OSBPL3: variants seen among roughly 807,000 people sequenced by gnomAD.
OSBPL3 encodes oxysterol binding protein like 3.
Under a neutral mutation model 120.1 loss-of-function variants are expected in OSBPL3, and 65 were observed. That is an observed-to-expected ratio of 0.54 (90% confidence interval 0.44 to 0.67). The LOEUF is 0.67. OSBPL3 is among the 30% of genes least tolerant of loss of function. The pLI, the probability that OSBPL3 is intolerant of heterozygous loss-of-function variation, is 0.00. For missense variants in OSBPL3, 1,004 were observed against 1,082.1 expected (o/e 0.93, Z 1.01); for synonymous variants, 416 against 402.6 (o/e 1.03, Z -0.40).
chr7:24,950,666 G>A (rs1335310472), intron 1 of OSBPL3, among the ~76,000 whole-genome samples: 1 of 152,238 alleles, frequency 6.6e-6, no homozygotes, highest in East Asian at 1.9e-4. Flanking sequence ...AGCTTGCAGT[G>A]AGCGGAGATC....
intron 1 of OSBPL3, among the ~76,000 whole-genome samples, chr7:24,963,450 C>T (rs1434931966): frequency 6.6e-6 from 1 of 152,218 alleles, no homozygotes; most frequent in Non-Finnish European, 1.5e-5. Flanking sequence ...GCAACACAGA[C>T]TCACCATGGC....
At chr7:24,800,453 CTTTTTTTTTT>C (rs766653677) in intron 22 of OSBPL3, among the ~76,000 whole-genome samples, 174 bp from the exon 23 acceptor site, 1 of 119,512 alleles carries the variant, frequency 8.4e-6, no homozygotes, top group East Asian at 2.4e-4. Flanking sequence ...AATTTTGTTA[CTTTTTTTTTT>C]TTTTTTTTTT....
intron 7 of OSBPL3, among the ~76,000 whole-genome samples, chr7:24,864,415 A>C (rs1801019411): frequency 6.6e-6 from 1 of 152,180 alleles, no homozygotes; most frequent in Non-Finnish European, 1.5e-5. Flanking sequence ...GACAATGTGC[A>C]TTGCTGATAA....
Position 24,806,699 on chromosome 7 carries a change from G to T in OSBPL3, c.2444+77C>A. 7.3e-7 allele frequency: 1 copy of T among 1,364,396 alleles called. No homozygotes were observed. The highest frequency in any genetic ancestry group is 1.0e-6 in the Non-Finnish European group (1 of 987,390). The allele number at this position is 1,364,396 out of a possible 1,614,324, so 84.5% of individuals were successfully genotyped here. On this transcript the variant is annotated intron_variant, in intron 21 of 22. Coordinates refer to ENST00000313367, the MANE Select transcript of OSBPL3 (RefSeq NM_015550.4). The surrounding 1 kb of genome is among the most constrained non-coding windows in gnomAD (Gnocchi z 5.2). Reference sequence around the variant, plus strand: ...TCCACCTTTCTCAGGTGCCTCTGGTGGCCTAAGGATTGTTAATAAGACTTT... The same window carrying T: ...TCCACCTTTCTCAGGTGCCTCTGGTTGCCTAAGGATTGTTAATAAGACTTT...
At chr7:24,980,363 G>T (rs528839931), upstream of OSBPL3, among the ~76,000 whole-genome samples, 1 of 152,020 alleles carries the variant, frequency 6.6e-6, no homozygotes, top group African/African-American at 2.4e-5. Context: ...AGAAGCCAGC[G>T]GATTCCATGA....
chr7:24,968,562 A>C lies in OSBPL3; in HGVS notation c.-150+11324T>G, dbSNP rs1322422083. Among the ~76,000 whole-genome samples, 2 of 152,096 alleles carry C rather than the reference A, an allele frequency of 1.3e-5. No individual in the cohort carries two copies. The highest frequency in any genetic ancestry group is 2.9e-5 in the Non-Finnish European group (2 of 68,018). ...CAGGCACACACCACCACGCCCAGCT[A>C]ATTTTTTTATTTTTAGTACAGACAG... On this transcript the variant is annotated intron_variant, in intron 1 of 22. Transcript: ENST00000313367. This position sits in a 1 kb window ranked among gnomAD's most constrained non-coding sequence, Gnocchi z 4.6.
At position 24,912,221 on chromosome 7, in the gene OSBPL3, C is replaced by A. The variant is rs1410259111; in HGVS notation, c.-149-19600G>T. Among the ~76,000 whole-genome samples, 3 of 151,998 alleles carry A rather than the reference C, an allele frequency of 2.0e-5. No individual in the cohort carries two copies. Among genetic ancestry groups the A allele is most frequent in the Admixed American group, 1.3e-4 (2 of 15,260 alleles). On this transcript the variant is annotated intron_variant, in intron 1 of 22. Transcript: ENST00000313367. This position sits in a 1 kb window ranked among gnomAD's most constrained non-coding sequence, Gnocchi z 4.5. ...TTTAAAAATTTGTGGAAAGATAGAT[C>A]CTAATTCTTTAGGAGTTTACATCTA...
intron 1 of OSBPL3, among the ~76,000 whole-genome samples, chr7:24,920,929 AG>A (rs1810308246): frequency 6.6e-6 from 1 of 152,192 alleles, no homozygotes; most frequent in African/African-American, 2.4e-5. Flanking sequence ...TAGTCATCCT[AG>A]AACTCACTTG....
At chr7:24,902,939 C>G (rs973616730) in intron 1 of OSBPL3, among the ~76,000 whole-genome samples, 1 of 152,126 alleles carries the variant, frequency 6.6e-6, no homozygotes, top group South Asian at 2.1e-4. Context: ...TGCTCCAATT[C>G]TCTCAACTAT....
At chr7:24,889,764 C>G (rs1805066216) in intron 2 of OSBPL3, among the ~76,000 whole-genome samples, 1 of 152,190 alleles carries the variant, frequency 6.6e-6, no homozygotes, top group South Asian at 2.1e-4. Context: ...CTGAGCCAGG[C>G]TCACTACTGG....
chr7:24,872,040 C>T lies in OSBPL3; in HGVS notation c.126G>A (p.Arg42=), dbSNP rs142455763. 4 of 1,613,490 alleles carry T rather than the reference C, an allele frequency of 2.5e-6. No individual in the cohort carries two copies. The African/African-American group carries it at 4.0e-5, about 16-fold the overall frequency. The part of the protein sequence containing the change: ...QDSWEVVEGL[R]GEMNYTQEPP... ...GCTCCTGGGTGTAATTCATCTCCCC[C>T]CTCAGTCCTTCCACCACTTCCCAGC... is the stretch of plus-strand genomic sequence containing the variant. The change falls in exon 3 of 23, where the codon AGG becomes AGA. Residue 42 remains arginine (R), a synonymous_variant. Coordinates refer to ENST00000313367, the MANE Select transcript of OSBPL3 (RefSeq NM_015550.4). This position sits in a 1 kb window ranked among gnomAD's most constrained non-coding sequence, Gnocchi z 4.1.
Position 24,849,010 on chromosome 7 carries a change from T to G in OSBPL3, c.1266+59A>C. 8.5e-7 allele frequency: 1 copy of G among 1,181,192 alleles called. No individual in the cohort carries two copies. Among genetic ancestry groups the G allele is most frequent in the Non-Finnish European group, 1.3e-6 (1 of 793,736 alleles). The allele number at this position is 1,181,192 out of a possible 1,614,324, so 73.2% of individuals were successfully genotyped here. ...CAGGGAGGTCGTGCAATGGGACAGA[T>G]GGTATCACGGGAGCGGGCGGCAGCT... On this transcript the variant is annotated intron_variant, in intron 12 of 22. Transcript: ENST00000313367. This position sits in a 1 kb window ranked among gnomAD's most constrained non-coding sequence, Gnocchi z 5.4.
intron 2 of OSBPL3, among the ~76,000 whole-genome samples, chr7:24,875,380 T>C (rs934837165): frequency 2.0e-5 from 3 of 152,262 alleles, no homozygotes; most frequent in Admixed American, 2.0e-4. Flanking sequence ...TCACTTTCTA[T>C]GTATAGGTAT....
chr7:24,830,484 C>T lies in OSBPL3; in HGVS notation c.1884+284G>A, dbSNP rs900226553. 6.6e-6 allele frequency among the ~76,000 whole-genome samples: 1 copy of T among 152,174 alleles called. No individual in the cohort carries two copies. Among genetic ancestry groups the T allele is most frequent in the Non-Finnish European group, 1.5e-5 (1 of 68,032 alleles). The stretch of plus-strand genomic sequence containing the variant: ...CTAAATTGAAGTTTGGGCCAACATT[C>T]ATCCTTTCAAAATTCCTTGTGCTAA... On this transcript the variant is annotated intron_variant, in intron 16 of 22. Coordinates refer to ENST00000313367, the MANE Select transcript of OSBPL3 (RefSeq NM_015550.4). The surrounding 1 kb of genome is among the most constrained non-coding windows in gnomAD (Gnocchi z 4.4).
intron 1 of OSBPL3, among the ~76,000 whole-genome samples, chr7:24,910,013 T>C (rs1808593197): frequency 1.3e-5 from 2 of 151,428 alleles, no homozygotes; most frequent in African/African-American, 4.9e-5. Context: ...GCCATGTTGG[T>C]CAGGCTGGTC....
intron 1 of OSBPL3, among the ~76,000 whole-genome samples, chr7:24,919,286 C>T (rs766556548): frequency 2.0e-5 from 3 of 152,044 alleles, no homozygotes; most frequent in Admixed American, 6.5e-5. Context: ...ACCAAGACAA[C>T]GTGTCCTAGC....
chr7:24,975,227 C>T (rs1004760044), intron 1 of OSBPL3, among the ~76,000 whole-genome samples: 6 of 152,156 alleles, frequency 3.9e-5, no homozygotes, highest in African/African-American at 1.2e-4. Flanking sequence ...ATTCTACAGA[C>T]AATGATTACT....
chr7:24,888,777 C>G (rs1426281038), intron 2 of OSBPL3, among the ~76,000 whole-genome samples: 2 of 152,056 alleles, frequency 1.3e-5, no homozygotes, highest in South Asian at 2.1e-4. Context: ...ATAGGAAGAC[C>G]AGGTTCAAGT....
intron 1 of OSBPL3, among the ~76,000 whole-genome samples, chr7:24,897,418 C>T (rs988267226): frequency 7.3e-5 from 11 of 150,044 alleles, no homozygotes; most frequent in East Asian, 3.9e-4. Context: ...CTCCGCCTCC[C>T]GGGTTCACGC....
Sources: allele counts gnomAD v4.1 joint callset (sites outside exome capture counted in the v4.1 genomes callset), GRCh38; gene constraint gnomAD v4.1.1; non-coding constraint Gnocchi (gnomAD v3.1); transcripts MANE v1.5; gene names NCBI Gene and HGNC (gene_info 2026-07-23, HGNC 2026-07-21).